MALSU1: variants seen among roughly 807,000 people sequenced by gnomAD.
MALSU1 encodes mitochondrial assembly of ribosomal large subunit 1.
MALSU1 carries 22 observed loss-of-function variants against 22.1 expected under a neutral mutation model. The observed-to-expected ratio is 1.00, with a 90% CI of 0.71 to 1.42. MALSU1 has a LOEUF of 1.42. Ranked by LOEUF, MALSU1 falls within the 40% of genes most tolerant of loss-of-function variation. MALSU1 has a pLI of 0.00. For missense variants in MALSU1, 379 were observed against 308.3 expected (o/e 1.23, Z -1.72); for synonymous variants, 153 against 118.5 (o/e 1.29, Z -1.89).
At chr7:23,303,630 C>G (rs547716665) in intron 2 of MALSU1, among the ~76,000 whole-genome samples, 8 of 151,340 alleles carry the variant, frequency 5.3e-5, no homozygotes, top group Non-Finnish European at 8.8e-5. Context: ...AACTCCATCT[C>G]TACAAAAAAG....
At position 23,309,660 on chromosome 7, in the gene MALSU1, C is replaced by A; in HGVS notation, c.*117C>A. 5 of 716,732 alleles carry A rather than the reference C, an allele frequency of 7.0e-6. No individual in the cohort carries two copies. Among genetic ancestry groups the A allele is most frequent in the Non-Finnish European group, 1.1e-5 (5 of 458,110 alleles). The allele number at this position is 716,732 out of a possible 1,614,324, so 44.4% of individuals were successfully genotyped here. Reference sequence around the variant, plus strand: ...TGCTCTTAGGACAAGGCTTGTGTACCTCATGGGCACTCCTGCTAACTGGCA... The same window carrying A: ...TGCTCTTAGGACAAGGCTTGTGTACATCATGGGCACTCCTGCTAACTGGCA... On this transcript the variant is annotated 3_prime_UTR_variant, in exon 4 of 4. Coordinates refer to ENST00000466681, the MANE Select transcript of MALSU1 (RefSeq NM_138446.2).
chr7:23,303,525 A>C lies in MALSU1; in HGVS notation c.435+2508A>C, dbSNP rs896957949. On this transcript the variant is annotated intron_variant, in intron 2 of 3. Transcript: ENST00000466681. ...AAATACTGTTCATGAGGCTGGGCGCAGTGGCTCATGCCTGTAATCCCAGCA... is the reference window on the plus strand; with the variant it reads ...AAATACTGTTCATGAGGCTGGGCGCCGTGGCTCATGCCTGTAATCCCAGCA... Among the ~76,000 whole-genome samples, 3 of 152,164 alleles carry C rather than the reference A, an allele frequency of 2.0e-5. No homozygotes were observed. In the South Asian group the frequency reaches 6.2e-4, roughly 32 times the overall value.
rs765080581 is a variant in MALSU1 at position 23,300,889 on chromosome 7, C to T, written c.307C>T (p.Gln103Ter). The T allele has an allele frequency of 6.2e-7, 1 of 1,613,916 alleles. No homozygotes were observed. Among genetic ancestry groups the T allele is most frequent in the Admixed American group, 1.7e-5 (1 of 59,986 alleles). Reference sequence around the variant, plus strand: ...CGATATGATGGTTTCACTTCTGAGGCAAGAAAATGCAAGAGACATTTGTGT... The same window carrying T: ...CGATATGATGGTTTCACTTCTGAGGTAAGAAAATGCAAGAGACATTTGTGT... ...DIDMMVSLLR[Q>*]ENARDICVIQ... is the part of the protein sequence containing the mutation. Residue 103 changes from glutamine to a stop codon, truncating the protein, a stop_gained, in exon 2 of 4, where the codon CAA becomes TAA. Transcript: ENST00000466681. LOFTEE classifies it high-confidence loss of function.
intron 3 of MALSU1, among the ~76,000 whole-genome samples, chr7:23,308,841 C>G (rs937518854): frequency 1.3e-5 from 2 of 152,038 alleles, no homozygotes; most frequent in Non-Finnish European, 2.9e-5. Flanking sequence ...GTGCACGGTA[C>G]GATGTTTAGC....
At chr7:23,301,112 A>G in intron 2 of MALSU1, 95 bp downstream of exon 2, 1 of 1,199,554 alleles carries the variant, frequency 8.3e-7, no homozygotes, top group Non-Finnish European at 1.2e-6. Flanking sequence ...TAAACCCATC[A>G]TACAAAGTTA....
intron 2 of MALSU1, among the ~76,000 whole-genome samples, chr7:23,301,401 C>T (rs150635383): frequency 0.029 from 4,488 of 152,180 alleles, 210 homozygotes; most frequent in African/African-American, 0.097. Context: ...GCTGGGATTA[C>T]AGGCATGCGC....
chr7:23,304,059 T>C (rs1403614067), intron 2 of MALSU1, among the ~76,000 whole-genome samples: 3 of 151,816 alleles, frequency 2.0e-5, no homozygotes, highest in Non-Finnish European at 4.4e-5. Flanking sequence ...TGAGCCGAGA[T>C]TGTGCCACTG....
intron 2 of MALSU1, among the ~76,000 whole-genome samples, chr7:23,304,835 C>T (rs1345891542): frequency 1.3e-5 from 2 of 152,132 alleles, no homozygotes; most frequent in Admixed American, 6.6e-5. Context: ...GGATATTAAT[C>T]CCTTATCAAA....
chr7:23,305,125 C>T lies in MALSU1; in HGVS notation c.436-2743C>T, dbSNP rs139180277. On this transcript the variant is annotated intron_variant, in intron 2 of 3. Transcript: ENST00000466681. ...GGTTAGTTTTCCATGTGGACATTTC[C>T]TCAGCAACGTTTGTTGGAAGGACTG... is the stretch of plus-strand genomic sequence containing the variant. Among the ~76,000 whole-genome samples, 231 of 152,244 alleles carry T rather than the reference C, an allele frequency of 1.5e-3. 2 individuals are homozygous for T. Among genetic ancestry groups the T allele is most frequent in the African/African-American group, 5.1e-3 (212 of 41,532 alleles).
rs1369799701 is a variant in MALSU1, at chr7:23,300,868, A to G, written c.286A>G (p.Met96Val). ...DHTGPKFDID[M>V]MVSLLRQENA... ...TACTGGTCCCAAGTTTGACATCGAT[A>G]TGATGGTTTCACTTCTGAGGCAAGA... Residue 96 changes from methionine to valine, a missense_variant, in exon 2 of 4, where the codon ATG (methionine) becomes GTG (valine). Physicochemically the swap from Met to Val is conservative, Grantham distance 21. Coordinates refer to ENST00000466681, the MANE Select transcript of MALSU1 (RefSeq NM_138446.2). The G allele has an allele frequency of 3.7e-6, 6 of 1,613,902 alleles. No homozygotes were observed. The highest frequency in any genetic ancestry group is 2.2e-5 in the East Asian group (1 of 44,882).
In MALSU1 at chr7:23,307,871, A is replaced by C. The variant is rs1334678588; in HGVS notation, c.439A>C (p.Lys147Gln). The C allele has an allele frequency of 6.2e-7, 1 of 1,613,188 alleles. No individual in the cohort carries two copies. Among genetic ancestry groups the C allele is most frequent in the South Asian group, 1.1e-5 (1 of 91,018 alleles). Residue 147 changes from lysine (K) to glutamine (Q), a missense_variant, in exon 3 of 4, where the codon AAA becomes CAA. By Grantham distance (53) the Lys-to-Gln change is moderately conservative. Transcript: ENST00000466681. Reference protein sequence around the residue: ...AMAFYVVKMYKHLKCKRDPHV... With the variant: ...AMAFYVVKMYQHLKCKRDPHV... ...TAAACCACCTGGCTTTTTGCAGTAC[A>C]AACACCTGAAATGTAAACGTGACCC... is the stretch of plus-strand genomic sequence containing the variant.
At chr7:23,309,233 T>C (rs1783769143) in intron 3 of MALSU1, 123 bp from the exon 4 acceptor site, 1 of 863,992 alleles carries the variant, frequency 1.2e-6, no homozygotes. Context: ...ACAGTGATGC[T>C]AATCTGGGAA....
Position 23,299,536 on chromosome 7 carries a change from C to T in MALSU1, c.184C>T (p.His62Tyr). ...CQTPNFVRGLHSEPGLEERAE... is the reference protein window; with the variant it reads ...CQTPNFVRGLYSEPGLEERAE... The stretch of plus-strand genomic sequence containing the variant: ...GACCCCAAACTTTGTCCGCGGCCTG[C>T]ACAGCGAGCCTGGGCTGGAGGAGCG... The change falls in exon 1 of 4, where the codon CAC (histidine) becomes TAC (tyrosine). Residue 62 changes from histidine to tyrosine, a missense_variant. By Grantham distance (83) the His-to-Tyr change is moderately conservative. Transcript: ENST00000466681. The T allele has an allele frequency of 6.2e-7, 1 of 1,612,446 alleles. No homozygotes were observed. The highest frequency in any genetic ancestry group is 8.5e-7 in the Non-Finnish European group (1 of 1,179,620).
At chr7:23,307,787 C>CAA in intron 2 of MALSU1, 81 bp from the exon 3 acceptor site, 3 of 848,542 alleles carry the variant, frequency 3.5e-6, no homozygotes, top group Middle Eastern at 2.3e-4. Flanking sequence ...AACAAACAAA[C>CAA]AAACAAAAAA....
intron 2 of MALSU1, among the ~76,000 whole-genome samples, chr7:23,306,460 C>G (rs754733356): frequency 2.0e-5 from 3 of 150,504 alleles, no homozygotes; most frequent in Middle Eastern, 3.4e-3. Flanking sequence ...ATTGCTCTGA[C>G]TAGAACTTCC....
At chr7:23,306,119 GGGAGGT>G (rs1419123230) in intron 2 of MALSU1, among the ~76,000 whole-genome samples, 1 of 152,138 alleles carries the variant, frequency 6.6e-6, no homozygotes. Flanking sequence ...GCTTGAACTT[GGGAGGT>G]GGAGGTTGCT....
intron 3 of MALSU1, 63 bp from the exon 4 acceptor site, chr7:23,309,293 G>T (rs746800793): frequency 8.4e-6 from 12 of 1,422,880 alleles, no homozygotes; most frequent in Non-Finnish European, 1.1e-5. Flanking sequence ...AGTGTGTGTT[G>T]TAAGGTAAGA....
At chr7:23,302,614 C>CA (rs987544458) in intron 2 of MALSU1, among the ~76,000 whole-genome samples, 4 of 152,064 alleles carry the variant, frequency 2.6e-5, no homozygotes, top group African/African-American at 9.7e-5. Flanking sequence ...ACTTAGTGAC[C>CA]ATTGGACTTG....
In MALSU1 at chr7:23,300,938, G is replaced by T; in HGVS notation, c.356G>T (p.Arg119Ile). 6.2e-7 allele frequency: 1 copy of T among 1,613,994 alleles called. No homozygotes were observed. The highest frequency in any genetic ancestry group is 8.5e-7 in the Non-Finnish European group (1 of 1,179,906). Reference sequence around the variant, plus strand: ...GTGATCCAGGTTCCTCCAGAAATGAGATATACAGATTACTTTGTGATTGTT... The same window carrying T: ...GTGATCCAGGTTCCTCCAGAAATGATATATACAGATTACTTTGTGATTGTT... ...ICVIQVPPEMRYTDYFVIVSG... is the reference protein window; with the variant it reads ...ICVIQVPPEMIYTDYFVIVSG... The change falls in exon 2 of 4, where the codon AGA (arginine) becomes ATA (isoleucine). Residue 119 changes from arginine (R) to isoleucine (I), a missense_variant. Coordinates refer to ENST00000466681, the MANE Select transcript of MALSU1 (RefSeq NM_138446.2).
Sources: allele counts gnomAD v4.1 joint callset (sites outside exome capture counted in the v4.1 genomes callset), GRCh38; gene constraint gnomAD v4.1.1; transcripts MANE v1.5; gene names NCBI Gene and HGNC (gene_info 2026-07-23, HGNC 2026-07-21).